The following MVP variants were observed in gnomAD, a reference collection of about 807,000 sequenced individuals.
MVP encodes the protein lung resistance-related protein.
In MVP, 62 loss-of-function variants were observed where a neutral mutation model predicts 83.5. The ratio of observed to expected loss-of-function variants is 0.74; its 90% confidence interval spans 0.61 to 0.92. MVP has a LOEUF of 0.92. Among genes scored for constraint, MVP ranks in the 40% least tolerant of loss-of-function variants. MVP has a pLI of 0.00. For missense variants in MVP, 1,000 were observed against 1,203.4 expected (o/e 0.83, Z 2.50); for synonymous variants, 505 against 504.1 (o/e 1.00, Z -0.02).
chr16:29,846,239 C>T lies in MVP; in HGVS notation c.2220C>T (p.Ser740=), dbSNP rs761767691. The stretch of plus-strand genomic sequence containing the variant: ...CAGCCCGGATTGAGGGAGAAGGGTC[C>T]GTGCTGCAGGCCAAGCTAAAAGCAC... ...AEAARIEGEG[S]VLQAKLKAQA... is the part of the protein sequence containing the mutation. Residue 740 remains serine, a synonymous_variant, in exon 13 of 15, where the codon TCC becomes TCT. Transcript: ENST00000357402. The T allele has an allele frequency of 2.3e-5, 37 of 1,582,054 alleles. No homozygotes were observed. Among genetic ancestry groups the T allele is most frequent in the African/African-American group, 8.1e-5 (6 of 74,216 alleles).
chr16:29,844,926 C>A, intron 11 of MVP, 47 bp downstream of exon 11: 1 of 1,559,076 alleles, frequency 6.4e-7, no homozygotes, highest in South Asian at 1.2e-5. Context: ...CATGGCAGGC[C>A]ACTGCTGGGA....
At chr16:29,839,041 C>T (rs2067511386) in intron 7 of MVP, among the ~76,000 whole-genome samples, 1 of 151,978 alleles carries the variant, frequency 6.6e-6, no homozygotes, top group African/African-American at 2.4e-5. Flanking sequence ...CAAAAATTAG[C>T]TAGCATGATG....
intron 13 of MVP, among the ~76,000 whole-genome samples, chr16:29,846,913 C>T (rs2067590197): frequency 6.6e-6 from 1 of 152,068 alleles, no homozygotes; most frequent in Non-Finnish European, 1.5e-5. Context: ...TGTGGTGCCT[C>T]AGGTCTCTAA....
chr16:29,832,958 G>A (rs12920760), intron 3 of MVP, among the ~76,000 whole-genome samples: 24,446 of 151,816 alleles, frequency 0.16, 2,179 homozygotes, highest in African/African-American at 0.24. Context: ...CCAGCTACTT[G>A]GGAGGCTGAG....
In MVP at chr16:29,830,865, C is replaced by T; in HGVS notation, c.126-13C>T. On this transcript the variant is annotated splice_polypyrimidine_tract_variant and intron_variant, in intron 2 of 14. Coordinates refer to ENST00000357402, the MANE Select transcript of MVP (RefSeq NM_005115.5). The stretch of plus-strand genomic sequence containing the variant: ...GGTCCCAGGTCCTCACACCTCTTCT[C>T]ATCTTCCTGCAGGGTACTGTTTGCC... 1.2e-6 allele frequency: 2 copies of T among 1,605,604 alleles called. No individual in the cohort carries two copies. Among genetic ancestry groups the T allele is most frequent in the African/African-American group, 1.3e-5 (1 of 74,852 alleles).
chr16:29,834,013 G>A lies in MVP; in HGVS notation c.524G>A (p.Arg175Gln), dbSNP rs370201976. Residue 175 changes from arginine to glutamine, a missense_variant, in exon 5 of 15, where the codon CGG becomes CAG. Arg to Gln is a conservative substitution (Grantham distance 43). Transcript: ENST00000357402. ...ATCATCAGGCAGAACCAGGCTCTGC[G>A]GCTCAGGGCCCGCAAGGAGTGCTGG... ...ATIIRQNQAL[R>Q]LRARKECWDR... 18 of 1,614,040 alleles carry A rather than the reference G, an allele frequency of 1.1e-5. No homozygotes were observed. The highest frequency in any genetic ancestry group is 1.1e-4 in the East Asian group (5 of 44,882).
At chr16:29,845,784 T>C (rs1378283175) in intron 11 of MVP, 79 bp from the exon 12 acceptor site, 3 of 1,308,362 alleles carry the variant, frequency 2.3e-6, no homozygotes, top group Non-Finnish European at 3.2e-6. Context: ...ACCGGTTTGG[T>C]TGGTGGCCGC....
At chr16:29,834,327 G>A in intron 5 of MVP, 1 of 443,804 alleles carries the variant, frequency 2.3e-6, no homozygotes, top group Non-Finnish European at 4.2e-6. Context: ...TGTGGGCAGT[G>A]GCCATGACTT....
chr16:29,840,550 T>A, intron 8 of MVP, 91 bp downstream of exon 8: 1 of 1,425,462 alleles, frequency 7.0e-7, no homozygotes, highest in East Asian at 2.5e-5. Context: ...GGGCAGGGAC[T>A]TCAGCAGCAT....
At position 29,836,975 on chromosome 16, in the gene MVP, C is replaced by A; in HGVS notation, c.909+17C>A. On this transcript the variant is annotated intron_variant, in intron 7 of 14. Coordinates refer to ENST00000357402, the MANE Select transcript of MVP (RefSeq NM_005115.5). ...GTGGTCAAGGTGAGGTCCCTACACCCCCACAGAGGACTGCCCTGGGAGATG... is the reference window on the plus strand; with the variant it reads ...GTGGTCAAGGTGAGGTCCCTACACCACCACAGAGGACTGCCCTGGGAGATG... 6.3e-7 allele frequency: 1 copy of A among 1,595,264 alleles called. No homozygotes were observed. The highest frequency in any genetic ancestry group is 1.1e-5 in the South Asian group (1 of 89,292).
chr16:29,832,135 C>CAT (rs1328894917), intron 3 of MVP, among the ~76,000 whole-genome samples: 1 of 152,036 alleles, frequency 6.6e-6, no homozygotes, highest in Non-Finnish European at 1.5e-5. Flanking sequence ...ATCCTGAAAG[C>CAT]ATAATAGCAG....
chr16:29,825,423 G>A (rs554554335), intron 1 of MVP, among the ~76,000 whole-genome samples: 6 of 152,322 alleles, frequency 3.9e-5, no homozygotes, highest in African/African-American at 1.4e-4. Context: ...CATCTGGAAG[G>A]AAACCACAAA....
intron 4 of MVP, 34 bp from the exon 5 acceptor site, chr16:29,833,901 C>CTGATACCTT: frequency 2.5e-6 from 4 of 1,614,118 alleles, no homozygotes; most frequent in Non-Finnish European, 3.4e-6. Flanking sequence ...TGTCATAGCC[C>CTGATACCTT]TGATACCTTC....
chr16:29,840,232 G>A lies in MVP; in HGVS notation c.964G>A (p.Asp322Asn). The change falls in exon 8 of 15, where the codon GAT (aspartate) becomes AAT (asparagine). Residue 322 changes from aspartate to asparagine, a missense_variant. By Grantham distance (23) the Asp-to-Asn change is conservative (BLOSUM62 1). Coordinates refer to ENST00000357402, the MANE Select transcript of MVP (RefSeq NM_005115.5). ...AGAGCAGCTGGAACAAGGCATCCAG[G>A]ATGTGTATGTGCTGTCGGAGCAGCA... ...PGEQLEQGIQ[D>N]VYVLSEQQGL... 1.2e-6 allele frequency: 2 copies of A among 1,613,946 alleles called. No homozygotes were observed. Among genetic ancestry groups the A allele is most frequent in the Non-Finnish European group, 1.7e-6 (2 of 1,179,944 alleles).
chr16:29,843,499 T>A (rs1567395271), intron 10 of MVP, among the ~76,000 whole-genome samples: 1 of 73,330 alleles, frequency 1.4e-5, no homozygotes, highest in Non-Finnish European at 2.6e-5. Flanking sequence ...AGACCCTGTC[T>A]CGGAGGAAGG....
Position 29,840,255 on chromosome 16 carries a change from GC to G in MVP, c.988del (p.Gln330ArgfsTer5). ...AGGATGTGTATGTGCTGTCGGAGCA[GC>G]AGGGGCTGCTGCTGAGGGCCCTGCA... ...IQDVYVLSEQ[Q>X]GLLLRALQPL... On this transcript the variant is annotated frameshift_variant, in exon 8 of 15. Transcript: ENST00000357402. LOFTEE classifies it high-confidence loss of function. 1 of 1,614,028 alleles carries G rather than the reference GC, an allele frequency of 6.2e-7. No individual in the cohort carries two copies. The highest frequency in any genetic ancestry group is 8.5e-7 in the Non-Finnish European group (1 of 1,180,012).
At position 29,846,220 on chromosome 16, in the gene MVP, G is replaced by A. The variant is rs1347682635; in HGVS notation, c.2201G>A (p.Arg734Gln). 2.5e-6 allele frequency: 4 copies of A among 1,592,530 alleles called. No individual in the cohort carries two copies. The highest frequency in any genetic ancestry group is 3.4e-6 in the Non-Finnish European group (4 of 1,168,998). ...AEAESRAEAARIEGEGSVLQA... is the reference protein window; with the variant it reads ...AEAESRAEAAQIEGEGSVLQA... ...GCCGAGTCCCGTGCGGAGGCAGCCC[G>A]GATTGAGGGAGAAGGGTCCGTGCTG... is the stretch of plus-strand genomic sequence containing the variant. Residue 734 changes from arginine to glutamine, a missense_variant, in exon 13 of 15, where the codon CGG (arginine) becomes CAG (glutamine). Coordinates refer to ENST00000357402, the MANE Select transcript of MVP (RefSeq NM_005115.5).
chr16:29,841,467 C>A lies in MVP; in HGVS notation c.1192-129C>A. On this transcript the variant is annotated intron_variant, in intron 8 of 14. Transcript: ENST00000357402. This position sits in a 1 kb window ranked among gnomAD's most constrained non-coding sequence, Gnocchi z 4.7. ...ATGGCAAACCCGGGGTGGAGCCTGG[C>A]CTCCCCGTAGAGAAGGTGTTTAACC... 1 of 1,247,160 alleles carries A rather than the reference C, an allele frequency of 8.0e-7. No individual in the cohort carries two copies. Among genetic ancestry groups the A allele is most frequent in the Non-Finnish European group, 1.1e-6 (1 of 922,026 alleles). 77.3% of individuals were successfully genotyped at this position (1,247,160 alleles called of 1,614,324 possible). A position where few individuals can be genotyped will look rare whatever the true frequency, so the allele number is the denominator to read the frequency against.
chr16:29,834,867 GTAT>G (rs2067473303), intron 5 of MVP: 1 of 94,282 alleles, frequency 1.1e-5, no homozygotes, highest in Admixed American at 1.2e-4. Flanking sequence ...TTTTTTTTTT[GTAT>G]TTTTTTTTTT....
Sources: allele counts gnomAD v4.1 joint callset (sites outside exome capture counted in the v4.1 genomes callset), GRCh38; gene constraint gnomAD v4.1.1; non-coding constraint Gnocchi (gnomAD v3.1); transcripts MANE v1.5; gene names NCBI Gene and HGNC (gene_info 2026-07-23, HGNC 2026-07-21).